Variants in ANKRD31 observed in about 807,000 individuals in gnomAD.
The protein encoded by ANKRD31 is ankyrin repeat domain 31.
A neutral mutation model predicts 186.0 loss-of-function variants in ANKRD31; 147 were observed. That is an observed-to-expected ratio of 0.79 (90% CI 0.69 to 0.91). The LOEUF is 0.91. ANKRD31 is among the 40% of genes least tolerant of loss of function. The pLI, the probability that ANKRD31 is intolerant of heterozygous loss-of-function variation, is 0.00. For synonymous variants in ANKRD31, 673 were observed against 736.4 expected, an observed-to-expected ratio of 0.91 and a Z score of 1.39; for missense variants, 1,986 against 2,148.8, an observed-to-expected ratio of 0.92 and a Z score of 1.50.
At chr5:75,113,058 A>G (rs1397287966) in intron 19 of ANKRD31, among the ~76,000 whole-genome samples, 1 of 152,072 alleles carries the variant, frequency 6.6e-6, no homozygotes, top group African/African-American at 2.4e-5. Context: ...ACTTAATACC[A>G]CTCCTACATG....
intron 19 of ANKRD31, among the ~76,000 whole-genome samples, chr5:75,112,947 AG>A (rs919419247): frequency 1.3e-5 from 2 of 152,244 alleles, no homozygotes; most frequent in African/African-American, 4.8e-5. Flanking sequence ...ACATATAACA[AG>A]TTCACTTTAA....
In ANKRD31 at chr5:75,074,426, C is replaced by G. The variant is rs112624414; in HGVS notation, c.5648-5762G>C. 2.3e-3 allele frequency among the ~76,000 whole-genome samples: 347 copies of G among 152,344 alleles called. 1 individual carries two copies. The highest frequency in any genetic ancestry group is 7.2e-3 in the African/African-American group (301 of 41,566). ...AGCCAGTGCTGTCCCATACTATGTA[C>G]TTTAGCAGGAACCTGCACTTTTGGC... On this transcript the variant is annotated intron_variant, in intron 25 of 25. Coordinates refer to ENST00000506364, the MANE Select transcript of ANKRD31 (RefSeq NM_001372053.1).
intron 21 of ANKRD31, among the ~76,000 whole-genome samples, chr5:75,105,556 C>G (rs1327848066): frequency 1.3e-5 from 2 of 152,088 alleles, no homozygotes; most frequent in African/African-American, 4.8e-5. Context: ...GATCATCTAT[C>G]TAAACATCTA....
intron 15 of ANKRD31, among the ~76,000 whole-genome samples, chr5:75,142,474 A>G: frequency 6.6e-6 from 1 of 151,952 alleles, no homozygotes; most frequent in East Asian, 1.9e-4. Context: ...AAAGCTCTGT[A>G]TTGTTCTCTT....
At chr5:75,077,261 G>C (rs1277451062) in intron 25 of ANKRD31, among the ~76,000 whole-genome samples, 2 of 151,990 alleles carry the variant, frequency 1.3e-5, no homozygotes, top group Admixed American at 1.3e-4. Flanking sequence ...AATAGAGACC[G>C]GGTCTCACTT....
At chr5:75,219,724 A>T (rs1048601754) in intron 3 of ANKRD31, among the ~76,000 whole-genome samples, 1 of 152,210 alleles carries the variant, frequency 6.6e-6, no homozygotes, top group Non-Finnish European at 1.5e-5. Flanking sequence ...GAGGAATCAC[A>T]TTGCCTGTCT....
chr5:75,093,825 G>C (rs574878366), intron 22 of ANKRD31, among the ~76,000 whole-genome samples: 12 of 152,176 alleles, frequency 7.9e-5, no homozygotes, highest in African/African-American at 2.9e-4. Context: ...GCAAAATAAA[G>C]ACATTCCCAG....
chr5:75,193,215 G>A, intron 8 of ANKRD31, 96 bp downstream of exon 8: 1 of 1,313,904 alleles, frequency 7.6e-7, no homozygotes, highest in South Asian at 1.5e-5. Flanking sequence ...TCTTTCCCCT[G>A]TGTTAACTGT....
chr5:75,187,754 GCACTTGAAAT>G (rs1422135436), intron 10 of ANKRD31, among the ~76,000 whole-genome samples: 7 of 152,068 alleles, frequency 4.6e-5, no homozygotes, highest in Non-Finnish European at 7.4e-5. Flanking sequence ...TACTGGGGGT[GCACTTGAAAT>G]CACTTGCTTG....
intron 2 of ANKRD31, among the ~76,000 whole-genome samples, chr5:75,227,637 A>G (rs544795074): frequency 1.3e-4 from 20 of 152,318 alleles, no homozygotes; most frequent in Admixed American, 9.8e-4. Flanking sequence ...TACATTCTCA[A>G]CTAGAAAACA....
At chr5:75,203,901 A>C (rs1013277221) in intron 5 of ANKRD31, among the ~76,000 whole-genome samples, 1 of 152,142 alleles carries the variant, frequency 6.6e-6, no homozygotes, top group East Asian at 1.9e-4. Flanking sequence ...GGTTTTTACT[A>C]AATTTGGAGA....
chr5:75,090,951 G>C (rs1328013881), intron 23 of ANKRD31, among the ~76,000 whole-genome samples: 1 of 152,160 alleles, frequency 6.6e-6, no homozygotes, highest in Non-Finnish European at 1.5e-5. Flanking sequence ...AATCCCTTGG[G>C]AGATCAAATG....
At chr5:75,202,743 G>A (rs1755898186) in intron 5 of ANKRD31, among the ~76,000 whole-genome samples, 1 of 152,134 alleles carries the variant, frequency 6.6e-6, no homozygotes, top group Non-Finnish European at 1.5e-5. Context: ...TAATTTACTT[G>A]TACGTGATTT....
At chr5:75,182,592 G>T (rs986490606) in intron 10 of ANKRD31, among the ~76,000 whole-genome samples, 1 of 151,784 alleles carries the variant, frequency 6.6e-6, no homozygotes, top group East Asian at 1.9e-4. Context: ...GGTGGCAAGC[G>T]CCTGTAATCC....
At chr5:75,089,666 T>C (rs1032874902) in intron 23 of ANKRD31, among the ~76,000 whole-genome samples, 5 of 152,216 alleles carry the variant, frequency 3.3e-5, no homozygotes, top group Admixed American at 6.5e-5. Context: ...TCAGTGCCCA[T>C]AGTAATTTTT....
intron 11 of ANKRD31, among the ~76,000 whole-genome samples, chr5:75,157,396 G>C (rs1401982266): frequency 6.6e-6 from 1 of 152,110 alleles, no homozygotes; most frequent in Non-Finnish European, 1.5e-5. Flanking sequence ...TTTCTTCTTG[G>C]GGATTATAGT....
rs1179332576 is a variant in ANKRD31, at chr5:75,115,119, C to T, written c.4155+1447G>A. On this transcript the variant is annotated intron_variant, in intron 19 of 25. Coordinates refer to ENST00000506364, the MANE Select transcript of ANKRD31 (RefSeq NM_001372053.1). ...AATAACGCTGCATATCTACAACTAT[C>T]TGATCTTTGACAAACCTGAGAAAAA... Among the ~76,000 whole-genome samples the T allele has an allele frequency of 4.0e-5, 6 of 151,476 alleles. No homozygotes were observed. The South Asian group carries it at 6.3e-4, about 16-fold the overall frequency.
At chr5:75,126,298 T>C (rs543626081) in intron 17 of ANKRD31, among the ~76,000 whole-genome samples, 1 of 152,104 alleles carries the variant, frequency 6.6e-6, no homozygotes, top group East Asian at 1.9e-4. Context: ...AAAAATTAGG[T>C]GGGCATGTTG....
chr5:75,147,309 A>C lies in ANKRD31; in HGVS notation c.2102T>G (p.Leu701Arg). The change falls in exon 14 of 26, where the codon CTT becomes CGT. Residue 701 changes from leucine (L) to arginine (R), a missense_variant. Coordinates refer to ENST00000506364, the MANE Select transcript of ANKRD31 (RefSeq NM_001372053.1). ...GAGTCCTGTAGAGTATATCTGGTCAAGAGTTGATTGTTTATGCTTGGATTT... is the reference window on the plus strand; with the variant it reads ...GAGTCCTGTAGAGTATATCTGGTCACGAGTTGATTGTTTATGCTTGGATTT... ...FGKSKHKQST[L>R]DQIYSTGLRK... is the part of the protein sequence containing the mutation. 1 of 1,534,618 alleles carries C rather than the reference A, an allele frequency of 6.5e-7. No homozygotes were observed. The highest frequency in any genetic ancestry group is 2.4e-5 in the East Asian group (1 of 40,862).
Sources: gnomAD v4.1 joint callset for allele counts (sites outside exome capture counted in the v4.1 genomes callset) on GRCh38, gnomAD v4.1.1 for gene constraint, MANE v1.5 for transcripts, NCBI Gene and HGNC (gene_info 2026-07-23, HGNC 2026-07-21) for gene names.